Variants in THSD4 observed in about 807,000 individuals in gnomAD.
THSD4 encodes the protein thrombospondin type 1 domain containing 4.
In THSD4, 69 loss-of-function variants were observed where a neutral mutation model predicts 119.0. The observed-to-expected ratio is 0.58, with a 90% CI of 0.48 to 0.71. THSD4 has a LOEUF of 0.71. Among genes scored for constraint, THSD4 ranks in the 30% least tolerant of loss-of-function variants. The pLI, the probability that THSD4 is intolerant of heterozygous loss-of-function variation, is 0.00. For synonymous variants in THSD4, 524 were observed against 540.4 expected (o/e 0.97, Z 0.42); for missense variants, 1,393 against 1,391.1 (o/e 1.00, Z -0.02).
upstream of THSD4, chr15:71,112,085 A>G (rs1483249858): frequency 1.3e-5 from 21 of 1,611,244 alleles, no homozygotes; most frequent in Non-Finnish European, 1.7e-5. Flanking sequence ...ACATGCCCTG[A>G]ACTCCCAGAA....
chr15:71,257,393 G>T (rs1213779776), intron 6 of THSD4, among the ~76,000 whole-genome samples: 4 of 152,118 alleles, frequency 2.6e-5, no homozygotes, highest in Admixed American at 2.0e-4. Flanking sequence ...GAGGTGTTGG[G>T]TCAAGCAGAA....
At chr15:71,299,448 C>G (rs778814198) in intron 6 of THSD4, among the ~76,000 whole-genome samples, 1 of 152,144 alleles carries the variant, frequency 6.6e-6, no homozygotes, top group African/African-American at 2.4e-5. Flanking sequence ...GGACTTTATG[C>G]TAAGTGAAAT....
At chr15:71,547,922 T>C (rs868477710) in intron 7 of THSD4, among the ~76,000 whole-genome samples, 2 of 151,984 alleles carry the variant, frequency 1.3e-5, no homozygotes, top group African/African-American at 2.4e-5. Context: ...TTTTTTTTTT[T>C]CTTTGATGTG....
chr15:71,246,883 A>T (rs1432277341), intron 5 of THSD4, among the ~76,000 whole-genome samples: 1 of 147,716 alleles, frequency 6.8e-6, no homozygotes, highest in East Asian at 2.0e-4. Context: ...TCTGGTCCAA[A>T]GTCTTTTTTT....
chr15:71,269,085 C>G (rs2044499352), intron 6 of THSD4, among the ~76,000 whole-genome samples: 1 of 151,260 alleles, frequency 6.6e-6, no homozygotes, highest in African/African-American at 2.4e-5. Flanking sequence ...ACTACTCCTC[C>G]CTAACTCATT....
At chr15:71,679,481 T>A (rs1023193098) in intron 8 of THSD4, among the ~76,000 whole-genome samples, 1 of 152,242 alleles carries the variant, frequency 6.6e-6, no homozygotes, top group Non-Finnish European at 1.5e-5. Flanking sequence ...CCGCCAAGTT[T>A]AGCCCTCATG....
At chr15:71,367,222 T>C (rs2045977106) in intron 6 of THSD4, among the ~76,000 whole-genome samples, 1 of 137,866 alleles carries the variant, frequency 7.3e-6, no homozygotes, top group Non-Finnish European at 1.5e-5. Context: ...GCTCTCTTTT[T>C]TTTTTTTATT....
chr15:71,289,122 T>C (rs1026926279), intron 6 of THSD4, among the ~76,000 whole-genome samples: 3 of 152,102 alleles, frequency 2.0e-5, no homozygotes, highest in Non-Finnish European at 4.4e-5. Context: ...GAGTCTTGGC[T>C]CAGTCCCTGT....
At chr15:71,623,726 C>T (rs1038458517) in intron 7 of THSD4, among the ~76,000 whole-genome samples, 2 of 152,052 alleles carry the variant, frequency 1.3e-5, no homozygotes, top group African/African-American at 4.8e-5. Context: ...AGCTCAAAAT[C>T]AGCCTGGCCA....
intron 4 of THSD4, among the ~76,000 whole-genome samples, chr15:71,220,141 G>C (rs11856791): frequency 0.37 from 56,423 of 151,990 alleles, 11,086 homozygotes; most frequent in Admixed American, 0.49. Flanking sequence ...CTTACACTTT[G>C]GTGGTGGAGA....
chr15:71,508,206 C>T (rs2140748248), intron 7 of THSD4, among the ~76,000 whole-genome samples: 1 of 152,286 alleles, frequency 6.6e-6, no homozygotes, highest in African/African-American at 2.4e-5. Flanking sequence ...TCAGCTCTAC[C>T]TACTGGAGTC....
At chr15:71,124,089 T>C (rs983939488) in intron 1 of THSD4, among the ~76,000 whole-genome samples, 3 of 152,216 alleles carry the variant, frequency 2.0e-5, no homozygotes, top group Non-Finnish European at 2.9e-5. Flanking sequence ...GTGTTTTCAG[T>C]CTGACACCAG....
Position 71,737,952 on chromosome 15 carries a change from G to A in THSD4, c.1851G>A (p.Arg617=), listed in dbSNP as rs1449716164. 6.2e-7 allele frequency: 1 copy of A among 1,613,976 alleles called. No individual in the cohort carries two copies. Among genetic ancestry groups the A allele is most frequent in the Non-Finnish European group, 8.5e-7 (1 of 1,179,876 alleles). Residue 617 remains arginine, a synonymous_variant, in exon 11 of 18, where the codon CGG becomes CGA. Coordinates refer to ENST00000261862, the MANE Select transcript of THSD4 (RefSeq NM_024817.3). ...PPAPQPPRRS[R]DHNWKQLGTT... ...CACCGCAGCCCCCACGGCGCAGCCGGGATCACAACTGGAAGCAGCTTGGGA... is the reference window on the plus strand; with the variant it reads ...CACCGCAGCCCCCACGGCGCAGCCGAGATCACAACTGGAAGCAGCTTGGGA...
chr15:71,261,464 A>C (rs1336493636), intron 6 of THSD4, among the ~76,000 whole-genome samples: 3 of 152,238 alleles, frequency 2.0e-5, no homozygotes, highest in African/African-American at 7.2e-5. Context: ...CAGGACGCCA[A>C]CCAGTTTGTG....
At chr15:71,118,046 G>T (rs1436457081) in intron 1 of THSD4, among the ~76,000 whole-genome samples, 1 of 152,124 alleles carries the variant, frequency 6.6e-6, no homozygotes, top group East Asian at 1.9e-4. Context: ...GGAGGAGCTA[G>T]GGCAGTTACC....
intron 7 of THSD4, among the ~76,000 whole-genome samples, chr15:71,510,828 CCATCAAAGAAGTAGAAT>C (rs1396172881): frequency 1.3e-5 from 2 of 151,952 alleles, no homozygotes; most frequent in Admixed American, 1.3e-4. Context: ...CCTCAGATTG[CCATCAAAGAAGTAGAAT>C]CATTCTTTTT....
intron 3 of THSD4, among the ~76,000 whole-genome samples, chr15:71,200,078 G>C (rs2043789544): frequency 6.6e-6 from 1 of 152,112 alleles, no homozygotes; most frequent in Admixed American, 6.5e-5. Context: ...TCAGTCGGGA[G>C]TATCAGAGTG....
chr15:71,550,525 C>A (rs1440362331), intron 7 of THSD4, among the ~76,000 whole-genome samples: 2 of 152,200 alleles, frequency 1.3e-5, no homozygotes, highest in Non-Finnish European at 2.9e-5. Flanking sequence ...CAAGCTCCGC[C>A]TCCCGGGTTC....
intron 4 of THSD4, among the ~76,000 whole-genome samples, chr15:71,226,771 C>G (rs745568824): frequency 1.3e-5 from 2 of 152,176 alleles, no homozygotes; most frequent in Non-Finnish European, 2.9e-5. Context: ...AACCACATAG[C>G]AAGAAGTGAA....
Sources: allele counts gnomAD v4.1 joint callset (sites outside exome capture counted in the v4.1 genomes callset), GRCh38; gene constraint gnomAD v4.1.1; transcripts MANE v1.5; gene names NCBI Gene and HGNC (gene_info 2026-07-23, HGNC 2026-07-21).